CADM2: variants seen among roughly 807,000 people sequenced by gnomAD.
The protein encoded by CADM2 is immunoglobulin superfamily member 4D.
A neutral mutation model predicts 49.8 loss-of-function variants in CADM2; 12 were observed. The observed-to-expected ratio is 0.24, with a 90% CI of 0.15 to 0.39. The LOEUF (loss-of-function observed/expected upper bound fraction) is 0.39. CADM2 is among the 10% of genes least tolerant of loss of function. The pLI is 1.00. For synonymous variants in CADM2, 214 were observed against 175.4 expected (o/e 1.22, Z -1.74); for missense variants, 378 against 492.3 (o/e 0.77, Z 2.20).
At chr3:85,713,647 T>A (rs1009966774) in intron 1 of CADM2, among the ~76,000 whole-genome samples, 5 of 152,216 alleles carry the variant, frequency 3.3e-5, no homozygotes, top group African/African-American at 1.2e-4. Flanking sequence ...TTTTTCCTCC[T>A]GTCACTTGCG....
At chr3:85,003,368 G>C (rs1429281378) in intron 1 of CADM2, among the ~76,000 whole-genome samples, 5 of 151,984 alleles carry the variant, frequency 3.3e-5, no homozygotes, top group Non-Finnish European at 7.4e-5. Context: ...TCAAAGATGA[G>C]ATTGTTTAAA....
intron 3 of CADM2, among the ~76,000 whole-genome samples, chr3:85,874,412 A>G (rs921527202): frequency 1.3e-5 from 2 of 152,130 alleles, no homozygotes; most frequent in Admixed American, 1.3e-4. Flanking sequence ...TTGATTCCCA[A>G]TCTACCTTTG....
intron 1 of CADM2, among the ~76,000 whole-genome samples, chr3:85,657,493 G>A (rs1242656753): frequency 6.6e-6 from 1 of 151,776 alleles, no homozygotes; most frequent in Admixed American, 6.6e-5. Context: ...TAATGTTTCT[G>A]TCTCAAATGA....
rs1727161394 is a variant in CADM2, at chr3:85,979,175, A to T, written c.970+17528A>T. 7 of 1,610,182 alleles carry T rather than the reference A, an allele frequency of 4.3e-6. No individual in the cohort carries two copies. Among genetic ancestry groups the T allele is most frequent in the Non-Finnish European group, 5.9e-6 (7 of 1,177,400 alleles). On this transcript the variant is annotated intron_variant, in intron 8 of 9. Coordinates refer to ENST00000383699, the MANE Select transcript of CADM2 (RefSeq NM_001167675.2). Reference sequence around the variant, plus strand: ...TTTCCACTCACCAGATGTTCCCAACACTTTGCTTCCCACTACTATCATCCC... The same window carrying T: ...TTTCCACTCACCAGATGTTCCCAACTCTTTGCTTCCCACTACTATCATCCC...
chr3:85,743,126 G>A (rs1168750719), intron 2 of CADM2, among the ~76,000 whole-genome samples: 1 of 152,090 alleles, frequency 6.6e-6, no homozygotes, highest in Non-Finnish European at 1.5e-5. Context: ...CTTTCAGCTT[G>A]AAAAGGTTCT....
At chr3:85,647,886 A>G (rs966861652) in intron 1 of CADM2, among the ~76,000 whole-genome samples, 5 of 151,878 alleles carry the variant, frequency 3.3e-5, no homozygotes, top group Non-Finnish European at 7.4e-5. Context: ...CACTCAGTTG[A>G]TTAGTGTTTA....
intron 1 of CADM2, among the ~76,000 whole-genome samples, chr3:85,152,493 C>T (rs895600659): frequency 2.3e-4 from 35 of 152,142 alleles, no homozygotes; most frequent in African/African-American, 8.0e-4. Context: ...CCTCAGAGAG[C>T]AGATTTGTCT....
rs1396563032 is a variant in CADM2 at position 86,065,609 on chromosome 3, T to C, written c.975T>C (p.Pro325=). The C allele has an allele frequency of 2.5e-6, 4 of 1,612,040 alleles. No homozygotes were observed. In the African/African-American group the frequency reaches 4.0e-5, roughly 16 times the overall value. Residue 325 remains proline, a synonymous_variant, in exon 9 of 10, where the codon CCT becomes CCC. Transcript: ENST00000383699. The part of the protein sequence containing the change: ...SAEYVLIVHD[P]NALAGQNGPD... ...ATATTTTCCTGTCTTTTCCAGATCCTAATGCTTTGGCTGGCCAGAATGGCC... is the reference window on the plus strand; with the variant it reads ...ATATTTTCCTGTCTTTTCCAGATCCCAATGCTTTGGCTGGCCAGAATGGCC...
At chr3:85,327,987 G>T (rs1055660398) in intron 1 of CADM2, among the ~76,000 whole-genome samples, 3 of 152,110 alleles carry the variant, frequency 2.0e-5, no homozygotes, top group Admixed American at 6.5e-5. Context: ...TTGAAGCTTG[G>T]TAGATGAATC....
chr3:85,751,922 C>G (rs1169307080), intron 2 of CADM2, among the ~76,000 whole-genome samples: 1 of 151,908 alleles, frequency 6.6e-6, no homozygotes, highest in Non-Finnish European at 1.5e-5. Flanking sequence ...TGAGAGCCTT[C>G]GTAAGGACTA....
At chr3:85,935,920 G>C (rs1487855200) in intron 7 of CADM2, 63 bp downstream of exon 7, 1 of 895,208 alleles carries the variant, frequency 1.1e-6, no homozygotes, top group East Asian at 2.5e-5. Context: ...TTTGATTACA[G>C]CCTTTAACTG....
chr3:85,237,519 T>C (rs778498289), intron 1 of CADM2, among the ~76,000 whole-genome samples: 84 of 151,450 alleles, frequency 5.5e-4, no homozygotes, highest in Non-Finnish European at 8.6e-4. Flanking sequence ...TTTTTTATAA[T>C]TATATAACTA....
At chr3:86,063,434 G>C (rs374338008) in intron 8 of CADM2, among the ~76,000 whole-genome samples, 4 of 151,674 alleles carry the variant, frequency 2.6e-5, no homozygotes, top group African/African-American at 9.6e-5. Context: ...GACAAGGTTT[G>C]TTGTTCCCTG....
chr3:85,359,694 C>T (rs2032210685), intron 1 of CADM2, among the ~76,000 whole-genome samples: 1 of 42,198 alleles, frequency 2.4e-5, no homozygotes, highest in East Asian at 7.9e-4. Flanking sequence ...GGGGAGAAGA[C>T]AAAGAAAAGG....
intron 2 of CADM2, among the ~76,000 whole-genome samples, chr3:85,791,514 T>TG (rs1209247993): frequency 1.7e-5 from 1 of 58,032 alleles, no homozygotes; most frequent in Non-Finnish European, 3.6e-5. Context: ...GAGAGAGGGG[T>TG]GGGGAGGGAG....
At chr3:85,318,403 T>C (rs765325450) in intron 1 of CADM2, among the ~76,000 whole-genome samples, 1 of 152,008 alleles carries the variant, frequency 6.6e-6, no homozygotes, top group South Asian at 2.1e-4. Context: ...AGAAAAAATA[T>C]ATGAATCCTA....
intron 3 of CADM2, among the ~76,000 whole-genome samples, chr3:85,869,059 A>G (rs1354703099): frequency 2.0e-5 from 3 of 152,092 alleles, no homozygotes; most frequent in Non-Finnish European, 4.4e-5. Context: ...ATTCTATAGT[A>G]ATATTTTAAG....
intron 1 of CADM2, among the ~76,000 whole-genome samples, chr3:85,415,478 C>T (rs968102107): frequency 1.3e-5 from 2 of 148,926 alleles, no homozygotes; most frequent in South Asian, 2.1e-4. Flanking sequence ...CTAAGTAAAC[C>T]GTTGCCCTAA....
intron 8 of CADM2, among the ~76,000 whole-genome samples, chr3:85,997,133 T>C (rs1285686505): frequency 6.6e-6 from 1 of 152,338 alleles, no homozygotes; most frequent in East Asian, 1.9e-4. Flanking sequence ...AAGTGTTTTG[T>C]TTAAATTATA....
Sources: allele counts gnomAD v4.1 joint callset (sites outside exome capture counted in the v4.1 genomes callset), GRCh38; gene constraint gnomAD v4.1.1; transcripts MANE v1.5; gene names NCBI Gene and HGNC (gene_info 2026-07-23, HGNC 2026-07-21).